The following ABCB1 variants were observed in gnomAD, a reference collection of about 807,000 sequenced individuals.
ABCB1 encodes ATP binding cassette subfamily B member 1.
A neutral mutation model predicts 142.0 loss-of-function variants in ABCB1; 69 were observed. The observed-to-expected ratio is 0.49, with a 90% CI of 0.40 to 0.59. The LOEUF is 0.59. Ranked by LOEUF, ABCB1 falls within the 20% of genes least tolerant of loss-of-function variation. The probability of loss-of-function intolerance (pLI) is 0.00; values close to 1 mark genes in which losing one functional copy is unlikely to be tolerated. For missense variants in ABCB1, 1,326 were observed against 1,554.7 expected (o/e 0.85, Z 2.47); for synonymous variants, 532 against 539.2 (o/e 0.99, Z 0.18).
chr7:87,578,944 C>A (rs1327108903), intron 4 of ABCB1, among the ~76,000 whole-genome samples: 3 of 152,078 alleles, frequency 2.0e-5, no homozygotes, highest in Non-Finnish European at 4.4e-5. Flanking sequence ...CCACCTGCCT[C>A]GGCCTCCCAA....
chr7:87,694,205 G>A (rs1330271166), intron 1 of ABCB1, among the ~76,000 whole-genome samples: 1 of 151,828 alleles, frequency 6.6e-6, no homozygotes, highest in East Asian at 1.9e-4. Flanking sequence ...TTTAAGTGCT[G>A]TATAATAATA....
chr7:87,578,293 T>C (rs1280302465), intron 4 of ABCB1, among the ~76,000 whole-genome samples: 2 of 152,168 alleles, frequency 1.3e-5, no homozygotes, highest in African/African-American at 2.4e-5. Context: ...CTCTTTTCTT[T>C]GTACCATGGT....
intron 4 of ABCB1, among the ~76,000 whole-genome samples, chr7:87,571,911 T>C (rs1334154868): frequency 6.6e-6 from 1 of 152,170 alleles, no homozygotes; most frequent in Non-Finnish European, 1.5e-5. Flanking sequence ...CACAGAATCC[T>C]GGAGAAAACT....
chr7:87,707,495 G>A (rs911856928), intron 1 of ABCB1, among the ~76,000 whole-genome samples: 10 of 151,852 alleles, frequency 6.6e-5, no homozygotes, highest in Non-Finnish European at 1.5e-5. Flanking sequence ...GCAACATGGC[G>A]AAACCCAGTC....
rs575607109 is a variant in ABCB1 at position 87,584,957 on chromosome 7, C to CCA, written c.286+553_286+554dup. 1.4e-3 allele frequency among the ~76,000 whole-genome samples: 204 copies of CCA among 150,590 alleles called. 6 individuals are homozygous for CCA. The South Asian group carries it at 0.037, about 28-fold the overall frequency. On this transcript the variant is annotated intron_variant, in intron 4 of 27. Transcript: ENST00000622132. ...ATTTATCCTATCCTAAAATACCCCC[C>CCA]CACACACACACACACAATTTTGCCC...
intron 27 of ABCB1, among the ~76,000 whole-genome samples, chr7:87,504,667 T>C (rs1004793799): frequency 5.3e-5 from 8 of 151,924 alleles, no homozygotes; most frequent in Non-Finnish European, 1.0e-4. Flanking sequence ...TAGCTGGGCT[T>C]GGTGGTGGGT....
intron 1 of ABCB1, among the ~76,000 whole-genome samples, chr7:87,615,862 T>A (rs1335947083): frequency 2.0e-5 from 3 of 152,210 alleles, no homozygotes; most frequent in Non-Finnish European, 2.9e-5. Flanking sequence ...AAAAAATGAT[T>A]TTTGAACACA....
intron 1 of ABCB1, among the ~76,000 whole-genome samples, chr7:87,696,883 T>A (rs1003615694): frequency 2.0e-4 from 30 of 152,330 alleles, no homozygotes; most frequent in African/African-American, 6.5e-4. Flanking sequence ...GTGCCCTACC[T>A]ATAGCAGGAG....
chr7:87,597,812 A>C (rs891998162), intron 2 of ABCB1, among the ~76,000 whole-genome samples: 1 of 152,156 alleles, frequency 6.6e-6, no homozygotes, highest in Non-Finnish European at 1.5e-5. Context: ...ATATTGGCTA[A>C]TATCTAATGC....
intron 3 of ABCB1, among the ~76,000 whole-genome samples, chr7:87,591,723 G>C (rs904622540): frequency 6.6e-6 from 1 of 152,020 alleles, no homozygotes; most frequent in Non-Finnish European, 1.5e-5. Context: ...GGTATACTTC[G>C]AGGATACCAC....
chr7:87,546,492 C>G (rs1202425849), intron 14 of ABCB1, among the ~76,000 whole-genome samples: 1 of 151,290 alleles, frequency 6.6e-6, no homozygotes, highest in Non-Finnish European at 1.5e-5. Context: ...GGAGGTGGAG[C>G]TTGCAGTGAG....
chr7:87,579,895 G>A (rs1818437775), intron 4 of ABCB1, among the ~76,000 whole-genome samples: 2 of 152,156 alleles, frequency 1.3e-5, no homozygotes, highest in Admixed American at 1.3e-4. Context: ...GCAACTTAAT[G>A]CTGATTACAT....
chr7:87,604,856 C>T (rs1333720010), upstream of ABCB1, among the ~76,000 whole-genome samples: 1 of 152,182 alleles, frequency 6.6e-6, no homozygotes, highest in Non-Finnish European at 1.5e-5. Flanking sequence ...TCTACTACAG[C>T]CAGAAATATT....
At chr7:87,650,200 AC>A in intron 1 of ABCB1, among the ~76,000 whole-genome samples, 1 of 152,300 alleles carries the variant, frequency 6.6e-6, no homozygotes, top group African/African-American at 2.4e-5. Flanking sequence ...TAGTTAGGTC[AC>A]ATTTTGATTT....
At chr7:87,578,698 T>C (rs1818376333) in intron 4 of ABCB1, among the ~76,000 whole-genome samples, 3 of 147,118 alleles carry the variant, frequency 2.0e-5, no homozygotes, top group Admixed American at 2.0e-4. Flanking sequence ...CTTTCTTTTT[T>C]TTTTTTTTTT....
At chr7:87,637,907 T>C (rs889125410) in intron 1 of ABCB1, among the ~76,000 whole-genome samples, 2 of 152,096 alleles carry the variant, frequency 1.3e-5, no homozygotes, top group Non-Finnish European at 2.9e-5. Context: ...TTTGTCTTAT[T>C]GCACTGGCTA....
upstream of ABCB1, among the ~76,000 whole-genome samples, chr7:87,603,746 G>A (rs1819548916): frequency 6.6e-6 from 1 of 152,068 alleles, no homozygotes; most frequent in African/African-American, 2.4e-5. Flanking sequence ...TAAACTATTT[G>A]GACTTCAAAG....
chr7:87,668,848 G>A lies in ABCB1; in HGVS notation c.-331+44313C>T, dbSNP rs115359551. ...GCTCTGTGATCCAAGAGTGTGTTTG[G>A]TATGATTTCAGTTCTTTTACATTTG... On this transcript the variant is annotated intron_variant, in intron 1 of 28. Transcript: ENST00000265724. 4.8e-3 allele frequency among the ~76,000 whole-genome samples: 725 copies of A among 152,122 alleles called. 4 individuals are homozygous for A. Among genetic ancestry groups the A allele is most frequent in the African/African-American group, 0.017 (686 of 41,518 alleles).
intron 1 of ABCB1, among the ~76,000 whole-genome samples, chr7:87,635,227 T>G (rs1821641775): frequency 6.6e-6 from 1 of 152,166 alleles, no homozygotes; most frequent in Non-Finnish European, 1.5e-5. Context: ...TAGACTGCAT[T>G]GCTCCACACT....
Sources: gnomAD v4.1 joint callset for allele counts (sites outside exome capture counted in the v4.1 genomes callset) on GRCh38, gnomAD v4.1.1 for gene constraint, MANE v1.5 for transcripts, NCBI Gene and HGNC (gene_info 2026-07-23, HGNC 2026-07-21) for gene names.